The following ALKBH1 variants were observed in gnomAD, a reference collection of about 807,000 sequenced individuals.
ALKBH1 encodes the protein alkB homolog 1, histone H2A dioxygenase.
ALKBH1 carries 31 observed loss-of-function variants against 36.6 expected under a neutral mutation model. The observed-to-expected ratio is 0.85, with a 90% CI of 0.64 to 1.14. ALKBH1 has a LOEUF of 1.14. ALKBH1 is among the 50% of genes most tolerant of loss of function. The pLI, the probability that ALKBH1 is intolerant of heterozygous loss-of-function variation, is 0.00. For missense variants in ALKBH1, 490 were observed against 497.3 expected, an observed-to-expected ratio of 0.99 and a Z score of 0.14; for synonymous variants, 183 against 186.6, an observed-to-expected ratio of 0.98 and a Z score of 0.16.
intron 2 of ALKBH1, among the ~76,000 whole-genome samples, chr14:77,696,282 G>A (rs1038601434): frequency 7.9e-5 from 12 of 151,914 alleles, no homozygotes; most frequent in African/African-American, 2.7e-4. Context: ...TCTGCCTCCC[G>A]GGTTCAAGTG....
intron 3 of ALKBH1, among the ~76,000 whole-genome samples, chr14:77,685,305 T>C (rs968592796): frequency 6.6e-6 from 1 of 152,010 alleles, no homozygotes; most frequent in Non-Finnish European, 1.5e-5. Context: ...TAGCCAGGCA[T>C]GGTGGTGGGT....
At chr14:77,692,819 TTTAA>T (rs1347946539) in intron 3 of ALKBH1, among the ~76,000 whole-genome samples, 39 of 151,880 alleles carry the variant, frequency 2.6e-4, no homozygotes, top group African/African-American at 9.2e-4. Flanking sequence ...TATTTATTTA[TTTAA>T]TTTATTTATT....
Position 77,672,916 on chromosome 14 carries a change from G to C in ALKBH1, c.*896C>G, listed in dbSNP as rs969669326. On this transcript the variant is annotated 3_prime_UTR_variant, in exon 6 of 6. Coordinates refer to ENST00000216489, the MANE Select transcript of ALKBH1 (RefSeq NM_006020.3). ...GTGAGACAGCCACAAAGAATACTTA[G>C]GGCACAGCAGAATGGTGTAGGGCAG... is the stretch of plus-strand genomic sequence containing the variant. The C allele has an allele frequency of 1.3e-5, 2 of 152,104 alleles. No individual in the cohort carries two copies. Among genetic ancestry groups the C allele is most frequent in the Non-Finnish European group, 2.9e-5 (2 of 68,034 alleles). 9.4% of individuals were successfully genotyped at this position (152,104 alleles called of 1,614,324 possible).
intron 5 of ALKBH1, 74 bp downstream of exon 5, chr14:77,675,582 A>AT: frequency 7.3e-7 from 1 of 1,373,672 alleles, no homozygotes; most frequent in African/African-American, 1.5e-5. Context: ...ACCTGTATTT[A>AT]TTTTAGAGTA....
At chr14:77,703,271 C>G (rs779382773) in intron 2 of ALKBH1, among the ~76,000 whole-genome samples, 32 of 151,910 alleles carry the variant, frequency 2.1e-4, no homozygotes, top group Non-Finnish European at 2.1e-4. Flanking sequence ...GTGTGAGACA[C>G]CTCGCCTGGT....
intron 4 of ALKBH1, among the ~76,000 whole-genome samples, chr14:77,676,650 T>C (rs2080207752): frequency 6.6e-6 from 1 of 152,252 alleles, no homozygotes; most frequent in South Asian, 2.1e-4. Context: ...ATTGGTTAAC[T>C]ATTTGAGACA....
intron 3 of ALKBH1, among the ~76,000 whole-genome samples, 163 bp from the exon 4 acceptor site, chr14:77,680,133 T>A (rs1423931148): frequency 6.6e-6 from 1 of 152,228 alleles, no homozygotes; most frequent in East Asian, 1.9e-4. Context: ...ACAGATACAT[T>A]AACAGAGAAA....
intron 3 of ALKBH1, among the ~76,000 whole-genome samples, chr14:77,681,342 G>A (rs1235533410): frequency 6.6e-6 from 1 of 152,180 alleles, no homozygotes; most frequent in African/African-American, 2.4e-5. Flanking sequence ...AGAGTTGGGA[G>A]TTGAGCACGG....
intron 2 of ALKBH1, among the ~76,000 whole-genome samples, chr14:77,700,372 T>C (rs962021595): frequency 1.3e-5 from 2 of 152,216 alleles, no homozygotes; most frequent in African/African-American, 4.8e-5. Flanking sequence ...TGTTCCACCA[T>C]TTAATATTAT....
intron 2 of ALKBH1, among the ~76,000 whole-genome samples, chr14:77,697,697 TAAA>T (rs57516221): frequency 1.1e-4 from 12 of 104,932 alleles, no homozygotes; most frequent in Non-Finnish European, 1.5e-4. Context: ...TTTGCTGTAA[TAAA>T]AAAAAAAAAA....
rs541494819 is a variant in ALKBH1, at chr14:77,673,679, G to A, written c.*133C>T. On this transcript the variant is annotated 3_prime_UTR_variant, in exon 6 of 6. Transcript: ENST00000216489. ...CTTCTGCGTGGGTTCCAAGGCAACAGTGTGATCAACAATGAGTTCTTCCCT... is the reference window on the plus strand; with the variant it reads ...CTTCTGCGTGGGTTCCAAGGCAACAATGTGATCAACAATGAGTTCTTCCCT... 1.9e-4 allele frequency: 177 copies of A among 940,530 alleles called. 1 individual carries two copies. The South Asian group carries it at 2.8e-3, about 15-fold the overall frequency. 58.3% of individuals were successfully genotyped at this position (940,530 alleles called of 1,614,324 possible). A position where few individuals can be genotyped will look rare whatever the true frequency, so the allele number is the denominator to read the frequency against.
chr14:77,707,760 T>C (rs2080404184), intron 1 of ALKBH1, 62 bp downstream of exon 1: 2 of 1,525,976 alleles, frequency 1.3e-6, no homozygotes, highest in Non-Finnish European at 1.8e-6. Flanking sequence ...AGAAGACACG[T>C]AAGTCCCTCC....
At chr14:77,693,423 GTTT>G (rs1223414074) in intron 3 of ALKBH1, among the ~76,000 whole-genome samples, 1 of 152,090 alleles carries the variant, frequency 6.6e-6, no homozygotes, top group East Asian at 1.9e-4. Context: ...GACAGGAACT[GTTT>G]TTTATCTGCC....
intron 3 of ALKBH1, among the ~76,000 whole-genome samples, chr14:77,692,170 G>A (rs760910981): frequency 5.3e-5 from 8 of 152,180 alleles, no homozygotes; most frequent in Non-Finnish European, 4.4e-5. Flanking sequence ...GACTTCTCAC[G>A]TATTATCTTG....
chr14:77,702,744 C>T (rs1400872571), intron 2 of ALKBH1, among the ~76,000 whole-genome samples: 1 of 152,136 alleles, frequency 6.6e-6, no homozygotes, highest in Non-Finnish European at 1.5e-5. Context: ...CATTTTGTCA[C>T]CCAGGCTGGA....
In ALKBH1 at chr14:77,674,063, C is replaced by T. The variant is rs370329463; in HGVS notation, c.919G>A (p.Ala307Thr). ...CTCGGGAGGACAGCAGGGAGAGGTG[C>T]CTCTAGGCAGTGAGGCAGGCCTTCC... is the stretch of plus-strand genomic sequence containing the variant. Reference protein sequence around the residue: ...EGEGLPHCLEAPLPAVLPRDS... With the variant: ...EGEGLPHCLETPLPAVLPRDS... The change falls in exon 6 of 6, where the codon GCA becomes ACA. Residue 307 changes from alanine (A) to threonine (T), a missense_variant. Physicochemically the swap from Ala to Thr is moderately conservative, Grantham distance 58 (BLOSUM62 0). Coordinates refer to ENST00000216489, the MANE Select transcript of ALKBH1 (RefSeq NM_006020.3). 33 of 1,614,006 alleles carry T rather than the reference C, an allele frequency of 2.0e-5. No homozygotes were observed. The highest frequency in any genetic ancestry group is 1.6e-4 in the Middle Eastern group (1 of 6,084).
intron 1 of ALKBH1, among the ~76,000 whole-genome samples, chr14:77,707,438 C>T (rs35910558): frequency 6.6e-6 from 1 of 152,200 alleles, no homozygotes; most frequent in Non-Finnish European, 1.5e-5. Context: ...AGCGCCGCAT[C>T]CCTGTCAGTT....
chr14:77,675,503 T>G (rs1016961981), intron 5 of ALKBH1, among the ~76,000 whole-genome samples, 153 bp downstream of exon 5: 2 of 152,060 alleles, frequency 1.3e-5, no homozygotes, highest in Non-Finnish European at 2.9e-5. Flanking sequence ...ACAGAGATAC[T>G]AACTATAATT....
At chr14:77,693,551 T>C (rs2080310119) in intron 3 of ALKBH1, among the ~76,000 whole-genome samples, 1 of 152,218 alleles carries the variant, frequency 6.6e-6, no homozygotes, top group Non-Finnish European at 1.5e-5. Context: ...CAGGACGATT[T>C]ATTCTGTCTT....
Sources: allele counts gnomAD v4.1 joint callset (sites outside exome capture counted in the v4.1 genomes callset), GRCh38; gene constraint gnomAD v4.1.1; transcripts MANE v1.5; gene names NCBI Gene and HGNC (gene_info 2026-07-23, HGNC 2026-07-21).